ARMC5: variants seen among roughly 807,000 people sequenced by gnomAD.
ARMC5 encodes the protein armadillo repeat-containing protein 5.
ARMC5 carries 28 observed loss-of-function variants against 60.5 expected under a neutral mutation model. That is an observed-to-expected ratio of 0.46 (90% confidence interval 0.34 to 0.63). The LOEUF (loss-of-function observed/expected upper bound fraction) is 0.63. Ranked by LOEUF, ARMC5 falls within the 30% of genes least tolerant of loss-of-function variation. The pLI, the probability that ARMC5 is intolerant of heterozygous loss-of-function variation, is 0.01. For synonymous variants in ARMC5, 680 were observed against 607.3 expected, an observed-to-expected ratio of 1.12 and a Z score of -1.76; for missense variants, 1,189 against 1,304.9, an observed-to-expected ratio of 0.91 and a Z score of 1.37.
intron 1 of ARMC5, 165 bp downstream of exon 1, chr16:31,460,164 C>G (rs1485435150): frequency 7.0e-6 from 5 of 712,718 alleles, no homozygotes; most frequent in Non-Finnish European, 1.1e-5. Context: ...CGTCACTGCA[C>G]TCTCTATAGA....
Position 31,462,126 on chromosome 16 carries a change from C to T in ARMC5, c.584-5C>T. On this transcript the variant is annotated splice_region_variant and splice_polypyrimidine_tract_variant and intron_variant, in intron 2 of 5. Coordinates refer to ENST00000268314, the MANE Select transcript of ARMC5 (RefSeq NM_001105247.2). The surrounding 1 kb of genome is among the most constrained non-coding windows in gnomAD (Gnocchi z 7.2). ...ACCCTCTGTGCTCCCCTTTCCTGCC[C>T]TCAGGTGCTGTTCCCCTGCTTGTGG... The T allele has an allele frequency of 6.2e-7, 1 of 1,611,936 alleles. No individual in the cohort carries two copies. The highest frequency in any genetic ancestry group is 8.5e-7 in the Non-Finnish European group (1 of 1,178,708).
rs761052180 is a variant in ARMC5 at position 31,464,670 on chromosome 16, C to T, written c.1647C>T (p.Tyr549=). 3.0e-5 allele frequency: 48 copies of T among 1,598,652 alleles called. No homozygotes were observed. Among genetic ancestry groups the T allele is most frequent in the African/African-American group, 2.4e-4 (18 of 74,990 alleles). The change falls in exon 4 of 6, where the codon TAC becomes TAT. Residue 549 remains tyrosine (Y), a synonymous_variant. Coordinates refer to ENST00000268314, the MANE Select transcript of ARMC5 (RefSeq NM_001105247.2). This position sits in a 1 kb window ranked among gnomAD's most constrained non-coding sequence, Gnocchi z 7.6. ...CACTTGTGACCGGCCCGGCGCTGTA[C>T]GGCCTGCTGACCTATGTGACCGGCG... The part of the protein sequence containing the change: ...SGALVTGPAL[Y]GLLTYVTGAP...
At chr16:31,458,434 G>A (rs1355504847), upstream of ARMC5, 1 of 1,535,636 alleles carries the variant, frequency 6.5e-7, no homozygotes, top group African/African-American at 1.4e-5. Flanking sequence ...CTTTTCACCG[G>A]TGTGTACCCA....
Position 31,466,464 on chromosome 16 carries a change from C to G in ARMC5, c.2383C>G (p.Leu795Val). Residue 795 changes from leucine (L) to valine (V), a missense_variant, in exon 6 of 6, where the codon CTG (leucine) becomes GTG (valine). By Grantham distance (32) the Leu-to-Val change is conservative. Transcript: ENST00000268314. This position sits in a 1 kb window ranked among gnomAD's most constrained non-coding sequence, Gnocchi z 8.0. ...AQMDLVPLRG[L>V]SPGAAWPVLH... ...GATGGACCTGGTGCCCCTGCGAGGT[C>G]TGTCGCCTGGTGCAGCCTGGCCTGT... 1 of 1,611,654 alleles carries G rather than the reference C, an allele frequency of 6.2e-7. No individual in the cohort carries two copies. Among genetic ancestry groups the G allele is most frequent in the South Asian group, 1.1e-5 (1 of 91,082 alleles).
chr16:31,460,263 G>A (rs1212070969), intron 1 of ARMC5: 13 of 473,488 alleles, frequency 2.7e-5, no homozygotes, highest in Middle Eastern at 5.5e-4. Context: ...ACTAGCGGAG[G>A]CCAAAGAGTT....
In ARMC5 at chr16:31,464,452, TCTC is replaced by T. The variant is rs771159742; in HGVS notation, c.1432_1434del (p.Pro478del). On this transcript the variant is annotated inframe_deletion, in exon 4 of 6. Coordinates refer to ENST00000268314, the MANE Select transcript of ARMC5 (RefSeq NM_001105247.2). This position sits in a 1 kb window ranked among gnomAD's most constrained non-coding sequence, Gnocchi z 7.6. The stretch of plus-strand genomic sequence containing the variant: ...CCCTGATGACATCTCCCCCGACTGG[TCTC>T]CTGAGCAGTGTCCGCCGGAGCCCAT... 1.9e-4 allele frequency: 307 copies of T among 1,585,154 alleles called. No homozygotes were observed. The highest frequency in any genetic ancestry group is 2.5e-4 in the Non-Finnish European group (295 of 1,168,758).
At chr16:31,461,824 T>G in intron 1 of ARMC5, 98 bp from the exon 2 acceptor site, 1 of 1,139,118 alleles carries the variant, frequency 8.8e-7, no homozygotes, top group Admixed American at 1.9e-5. Context: ...TAGCCTCTTC[T>G]GAAAGCCTTC....
At chr16:31,459,153 T>C, upstream of ARMC5, 1 of 1,503,626 alleles carries the variant, frequency 6.7e-7, no homozygotes, top group Non-Finnish European at 8.8e-7. Flanking sequence ...CCCCGCCGAG[T>C]GCACGCCGGG....
chr16:31,458,347 G>C, upstream of ARMC5: 2 of 1,493,346 alleles, frequency 1.3e-6, no homozygotes, highest in Non-Finnish European at 1.8e-6. Context: ...TCAGGTTGGA[G>C]CTGACGCTGA....
At chr16:31,460,071 T>C (rs769010499) in intron 1 of ARMC5, 72 bp downstream of exon 1, 3 of 1,486,514 alleles carry the variant, frequency 2.0e-6, no homozygotes, top group Non-Finnish European at 2.7e-6. Flanking sequence ...CCGGGCAGTC[T>C]GGAGTTCTTT....
At position 31,466,560 on chromosome 16, in the gene ARMC5, CT is replaced by C. The variant is rs754932897; in HGVS notation, c.2480del (p.Leu827ArgfsTer90). 1 of 1,609,040 alleles carries C rather than the reference CT, an allele frequency of 6.2e-7. No individual in the cohort carries two copies. The highest frequency in any genetic ancestry group is 1.1e-5 in the South Asian group (1 of 90,948). Reference sequence around the variant, plus strand: ...GCCCGTGCCCCCACCAGGCCAGCCCCTGCTGGGTTCAGAGGCCGAGGAGGCA... The same window carrying C: ...GCCCGTGCCCCCACCAGGCCAGCCCCGCTGGGTTCAGAGGCCGAGGAGGCA... Reference protein sequence around the residue: ...LGPVPPPGQPLLGSEAEEALE... With the variant: ...LGPVPPPGQPXLGSEAEEALE... On this transcript the variant is annotated frameshift_variant, in exon 6 of 6. Transcript: ENST00000268314. LOFTEE classifies it high-confidence loss of function. The surrounding 1 kb of genome is among the most constrained non-coding windows in gnomAD (Gnocchi z 8.0).
At position 31,459,540 on chromosome 16, in the gene ARMC5, C is replaced by A. The variant is rs755876218; in HGVS notation, c.16C>A (p.Pro6Thr). 46 of 1,605,022 alleles carry A rather than the reference C, an allele frequency of 2.9e-5. 3 individuals are homozygous for A. The Middle Eastern group carries it at 8.2e-4, about 29-fold the overall frequency. ...CCGAGCCAAGATGGCGGCTGCGAAG[C>A]CAACCCTCACGGACTCGCTCTCGTT... MAAAK[P>T]TLTDSLSFCL... The change falls in exon 1 of 6, where the codon CCA (proline) becomes ACA (threonine). Residue 6 changes from proline to threonine, a missense_variant. Physicochemically the swap from Pro to Thr is conservative, Grantham distance 38. Transcript: ENST00000268314.
intron 1 of ARMC5, among the ~76,000 whole-genome samples, chr16:31,461,036 A>G (rs2082299634): frequency 1.3e-5 from 2 of 152,232 alleles, no homozygotes; most frequent in East Asian, 3.8e-4. Flanking sequence ...AGCTTTGGTT[A>G]TTAAATAACC....
rs748876474 is a variant in ARMC5, at chr16:31,461,953, C to A, written c.507C>A (p.Ser169Arg). The A allele has an allele frequency of 1.6e-5, 26 of 1,614,226 alleles. No individual in the cohort carries two copies. The highest frequency in any genetic ancestry group is 2.1e-5 in the Non-Finnish European group (25 of 1,180,038). Reference protein sequence around the residue: ...VTILQCMKTDSIQNRTARALG... With the variant: ...VTILQCMKTDRIQNRTARALG... The stretch of plus-strand genomic sequence containing the variant: ...TTCTTCAGTGCATGAAGACAGACAG[C>A]ATCCAGAACCGAACGGCCCGTGCCC... The change falls in exon 2 of 6, where the codon AGC becomes AGA. Residue 169 changes from serine (S) to arginine (R), a missense_variant. Physicochemically the swap from Ser to Arg is moderately radical, Grantham distance 110. Coordinates refer to ENST00000268314, the MANE Select transcript of ARMC5 (RefSeq NM_001105247.2).
rs1433843572 is a variant in ARMC5, at chr16:31,459,613, A to G, written c.89A>G (p.Glu30Gly). 6.3e-6 allele frequency: 10 copies of G among 1,596,088 alleles called. No homozygotes were observed. The South Asian group carries it at 6.6e-5, about 11-fold the overall frequency. The change falls in exon 1 of 6, where the codon GAA (glutamate) becomes GGA (glycine). Residue 30 changes from glutamate (E) to glycine (G), a missense_variant. Physicochemically the swap from Glu to Gly is moderately conservative, Grantham distance 98. Around this residue, in one of 2 missense-constraint regions of ARMC5, gnomAD observed 327 missense variants for 233.7 expected, o/e 1.40. Transcript: ENST00000268314. Reference protein sequence around the residue: ...AAAAGEALGGEKDPATNETPL... With the variant: ...AAAAGEALGGGKDPATNETPL... ...GCGGCCGGGGAGGCTCTGGGTGGGG[A>G]AAAGGACCCAGCGACCAACGAGACA...
chr16:31,459,550 C>A lies in ARMC5; in HGVS notation c.26C>A (p.Thr9Lys). The A allele has an allele frequency of 6.2e-7, 1 of 1,606,136 alleles. No individual in the cohort carries two copies. The highest frequency in any genetic ancestry group is 8.5e-7 in the Non-Finnish European group (1 of 1,179,168). ...ATGGCGGCTGCGAAGCCAACCCTCA[C>A]GGACTCGCTCTCGTTCTGCCTCGCG... is the stretch of plus-strand genomic sequence containing the variant. MAAAKPTL[T>K]DSLSFCLAQL... The change falls in exon 1 of 6, where the codon ACG becomes AAG. Residue 9 changes from threonine (T) to lysine (K), a missense_variant. Transcript: ENST00000268314.
rs1190467221 is a variant in ARMC5 at position 31,462,842 on chromosome 16, G to C, written c.1295G>C (p.Arg432Thr). 1 of 1,614,038 alleles carries C rather than the reference G, an allele frequency of 6.2e-7. No homozygotes were observed. The highest frequency in any genetic ancestry group is 8.5e-7 in the Non-Finnish European group (1 of 1,180,010). Reference protein sequence around the residue: ...GEAGEEEEEGREAASWDFPEE... With the variant: ...GEAGEEEEEGTEAASWDFPEE... ...GCTGGTGAGGAGGAAGAAGAGGGAA[G>C]AGAAGCTGCTTCCTGGGACTTTCCT... Residue 432 changes from arginine (R) to threonine (T), a missense_variant, in exon 3 of 6, where the codon AGA (arginine) becomes ACA (threonine). By Grantham distance (71) the Arg-to-Thr change is moderately conservative (BLOSUM62 -1). Transcript: ENST00000268314. This position sits in a 1 kb window ranked among gnomAD's most constrained non-coding sequence, Gnocchi z 7.2.
At chr16:31,461,784 A>G in intron 1 of ARMC5, 138 bp from the exon 2 acceptor site, 1 of 720,682 alleles carries the variant, frequency 1.4e-6, no homozygotes, top group South Asian at 1.7e-5. Context: ...CTAGGATTAC[A>G]GGCTTGAGCC....
Position 31,464,890 on chromosome 16 carries a change from G to A in ARMC5, c.1864+3G>A, listed in dbSNP as rs538754922. The A allele has an allele frequency of 1.2e-6, 2 of 1,605,522 alleles. No individual in the cohort carries two copies. Among genetic ancestry groups the A allele is most frequent in the Admixed American group, 1.7e-5 (1 of 59,956 alleles). Reference sequence around the variant, plus strand: ...CCACAGCCGGCACCGAGAGCTGGGTGAGTTCCCATACCCACCCGTCTCCTT... The same window carrying A: ...CCACAGCCGGCACCGAGAGCTGGGTAAGTTCCCATACCCACCCGTCTCCTT... On this transcript the variant is annotated splice_donor_region_variant and intron_variant, in intron 4 of 5. Coordinates refer to ENST00000268314, the MANE Select transcript of ARMC5 (RefSeq NM_001105247.2). This position sits in a 1 kb window ranked among gnomAD's most constrained non-coding sequence, Gnocchi z 7.6.
Sources: gnomAD v4.1 joint callset for allele counts (sites outside exome capture counted in the v4.1 genomes callset) on GRCh38, gnomAD v4.1.1 for gene constraint, gnomAD v4.1.1 regional missense constraint, Gnocchi (gnomAD v3.1) non-coding constraint, MANE v1.5 for transcripts, NCBI Gene and HGNC (gene_info 2026-07-23, HGNC 2026-07-21) for gene names.